UBTD1: variants seen among roughly 807,000 people sequenced by gnomAD.
The protein encoded by UBTD1 is ubiquitin domain-containing protein 1.
Under a neutral mutation model 21.7 loss-of-function variants are expected in UBTD1, and 19 were observed. The ratio of observed to expected loss-of-function variants is 0.87; its 90% CI spans 0.61 to 1.28. The LOEUF (loss-of-function observed/expected upper bound fraction) is 1.28, where lower values mean the gene tolerates loss of function less well. Among genes scored for constraint, UBTD1 ranks in the 50% most tolerant of loss-of-function variants. The pLI is 0.00. For synonymous variants in UBTD1, 116 were observed against 135.1 expected, an observed-to-expected ratio of 0.86 and a Z score of 0.98; for missense variants, 282 against 315.1, an observed-to-expected ratio of 0.89 and a Z score of 0.80.
At chr10:97,510,757 A>T (rs2040420328) in intron 1 of UBTD1, among the ~76,000 whole-genome samples, 1 of 152,148 alleles carries the variant, frequency 6.6e-6, no homozygotes, top group African/African-American at 2.4e-5. Context: ...CAGGAAGGCA[A>T]ATCCGAAGCA....
chr10:97,507,557 G>A (rs546358280), intron 1 of UBTD1, among the ~76,000 whole-genome samples: 8 of 151,648 alleles, frequency 5.3e-5, no homozygotes, highest in East Asian at 1.9e-4. Context: ...GGCAGATCAC[G>A]AGGTCAGGAG....
At position 97,539,556 on chromosome 10, in the gene UBTD1, G is replaced by A. The variant is rs1344417535; in HGVS notation, c.71-28358G>A. ...GCTGCAGTGAGCTGTGATTGTGCCC[G>A]TGCACTCCAGCCTGGGTGACAGAGA... On this transcript the variant is annotated intron_variant, in intron 1 of 2. Coordinates refer to ENST00000370664, the MANE Select transcript of UBTD1 (RefSeq NM_024954.5). 5.3e-5 allele frequency among the ~76,000 whole-genome samples: 8 copies of A among 151,758 alleles called. No homozygotes were observed. The South Asian group carries it at 6.2e-4, about 12-fold the overall frequency.
At chr10:97,562,919 T>TG (rs910030774) in intron 1 of UBTD1, among the ~76,000 whole-genome samples, 1 of 152,040 alleles carries the variant, frequency 6.6e-6, no homozygotes, top group African/African-American at 2.4e-5. Context: ...GCGAAAATTT[T>TG]GGGGGGTGGT....
intron 1 of UBTD1, among the ~76,000 whole-genome samples, chr10:97,562,011 A>G (rs1450065479): frequency 2.0e-5 from 3 of 152,188 alleles, no homozygotes; most frequent in Non-Finnish European, 4.4e-5. Flanking sequence ...TTCCAAAGAA[A>G]TCTGAAAAAC....
intron 1 of UBTD1, among the ~76,000 whole-genome samples, chr10:97,547,481 CTG>C (rs1275006445): frequency 6.6e-6 from 1 of 152,220 alleles, no homozygotes; most frequent in Non-Finnish European, 1.5e-5. Context: ...CTCTCTGTCC[CTG>C]TTGAGCTTGA....
intron 1 of UBTD1, among the ~76,000 whole-genome samples, chr10:97,545,424 GTGTGTGGGT>G (rs1564741826): frequency 9.4e-5 from 2 of 21,326 alleles, no homozygotes; most frequent in Non-Finnish European, 3.0e-4. Flanking sequence ...GTGGGTGTGT[GTGTGTGGGT>G]GTGTGTGTGT....
chr10:97,506,629 C>G (rs1431441100), intron 1 of UBTD1, among the ~76,000 whole-genome samples: 1 of 152,074 alleles, frequency 6.6e-6, no homozygotes, highest in African/African-American at 2.4e-5. Flanking sequence ...TTCATTTTCC[C>G]CAACTGAAAC....
intron 1 of UBTD1, among the ~76,000 whole-genome samples, chr10:97,533,167 A>G (rs1196732565): frequency 6.6e-6 from 1 of 151,426 alleles, no homozygotes; most frequent in East Asian, 2.0e-4. Context: ...GCTGAGCTGA[A>G]ACTGAGAGGA....
intron 1 of UBTD1, among the ~76,000 whole-genome samples, chr10:97,562,974 G>T (rs2040699976): frequency 6.6e-6 from 1 of 152,150 alleles, no homozygotes; most frequent in African/African-American, 2.4e-5. Flanking sequence ...CTTCGGGCGG[G>T]ATTAGGGGCG....
At chr10:97,529,842 C>G (rs1477804258) in intron 1 of UBTD1, among the ~76,000 whole-genome samples, 4 of 152,130 alleles carry the variant, frequency 2.6e-5, no homozygotes, top group Non-Finnish European at 4.4e-5. Context: ...CCTCCTGCCT[C>G]GTGTGATCTA....
At chr10:97,527,951 T>A (rs2040497612) in intron 1 of UBTD1, among the ~76,000 whole-genome samples, 1 of 152,132 alleles carries the variant, frequency 6.6e-6, no homozygotes, top group South Asian at 2.1e-4. Context: ...CCGTTCTCAA[T>A]GAGCTGCTGG....
chr10:97,551,162 A>T (rs2040635547), intron 1 of UBTD1, among the ~76,000 whole-genome samples: 1 of 152,068 alleles, frequency 6.6e-6, no homozygotes, highest in Non-Finnish European at 1.5e-5. Context: ...ACCCCAGGAG[A>T]TCCTAATACG....
intron 2 of UBTD1, among the ~76,000 whole-genome samples, chr10:97,568,584 G>T (rs2135690551): frequency 6.6e-6 from 1 of 151,886 alleles, no homozygotes; most frequent in East Asian, 1.9e-4. Context: ...ACCATGCCTG[G>T]CTAATTTTCG....
At chr10:97,499,427 G>A (rs1439159882) in intron 1 of UBTD1, among the ~76,000 whole-genome samples, 154 bp downstream of exon 1, 1 of 152,246 alleles carries the variant, frequency 6.6e-6, no homozygotes, top group Admixed American at 6.5e-5. Context: ...GCTCCCCAGC[G>A]CCGGGCGGCC....
intron 1 of UBTD1, among the ~76,000 whole-genome samples, chr10:97,513,892 T>G (rs747154521): frequency 2.6e-4 from 40 of 152,084 alleles, no homozygotes; most frequent in Non-Finnish European, 5.1e-4. Context: ...CTGTATTTTT[T>G]ATAGAGATGG....
intron 1 of UBTD1, among the ~76,000 whole-genome samples, chr10:97,549,012 C>T (rs147360373): frequency 4.3e-4 from 66 of 152,352 alleles, no homozygotes; most frequent in African/African-American, 1.5e-3. Context: ...CCCAGCCAGG[C>T]AGCCGACCCC....
In UBTD1 at chr10:97,570,136, A is replaced by G; in HGVS notation, c.299-2A>G. 1 of 1,598,984 alleles carries G rather than the reference A, an allele frequency of 6.3e-7. No individual in the cohort carries two copies. Among genetic ancestry groups the G allele is most frequent in the African/African-American group, 1.3e-5 (1 of 74,786 alleles). The stretch of plus-strand genomic sequence containing the variant: ...ACTCTGACAGCCCTGCCTCTCCTAC[A>G]GGCACCCTCTGTGAATGCTACGATG... On this transcript the variant is annotated splice_acceptor_variant, in intron 2 of 2. Transcript: ENST00000370664. LOFTEE classifies it high-confidence loss of function. The surrounding 1 kb of genome is among the most constrained non-coding windows in gnomAD (Gnocchi z 6.6).
intron 1 of UBTD1, among the ~76,000 whole-genome samples, chr10:97,527,445 TTTTA>T (rs36005101): frequency 1.1e-3 from 165 of 149,644 alleles, no homozygotes; most frequent in African/African-American, 3.7e-3. Flanking sequence ...TGCCCTTCTT[TTTTA>T]TTTATTTATT....
At chr10:97,507,916 A>C (rs11189245) in intron 1 of UBTD1, among the ~76,000 whole-genome samples, 35,791 of 152,024 alleles carry the variant, frequency 0.24, 4,936 homozygotes, top group East Asian at 0.57. Context: ...GTCTTGGGAC[A>C]AGGAGCAAAG....
Sources: gnomAD v4.1 joint callset for allele counts (sites outside exome capture counted in the v4.1 genomes callset) on GRCh38, gnomAD v4.1.1 for gene constraint, Gnocchi (gnomAD v3.1) non-coding constraint, MANE v1.5 for transcripts, NCBI Gene and HGNC (gene_info 2026-07-23, HGNC 2026-07-21) for gene names.